Variants in PLN observed in about 807,000 individuals in gnomAD.
PLN encodes the protein phospholamban, also known as cardiac phospholamban.
A neutral mutation model predicts 3.9 loss-of-function variants in PLN; 1 was observed. The observed-to-expected ratio is 0.26, with a 90% confidence interval of 0.09 to 1.23. PLN has a LOEUF of 1.23. Among genes scored for constraint, PLN ranks in the 50% most tolerant of loss-of-function variants. PLN has a pLI of 0.48. For missense variants in PLN, 59 were observed against 62.7 expected (o/e 0.94, Z 0.20); for synonymous variants, 21 against 20.5 (o/e 1.02, Z -0.07).
intron 1 of PLN, among the ~76,000 whole-genome samples, chr6:118,552,737 T>G (rs922498717): frequency 2.6e-5 from 4 of 151,918 alleles, no homozygotes; most frequent in Admixed American, 6.6e-5. Flanking sequence ...CCACAAAGAA[T>G]AGTAAAGAAT....
intron 1 of PLN, among the ~76,000 whole-genome samples, chr6:118,557,574 G>A (rs1372002165): frequency 6.6e-6 from 1 of 152,172 alleles, no homozygotes; most frequent in Non-Finnish European, 1.5e-5. Context: ...GTCCTGGGTT[G>A]AGTGTGAGTG....
intron 1 of PLN, among the ~76,000 whole-genome samples, chr6:118,549,033 G>T (rs1377419734): frequency 6.6e-6 from 1 of 151,842 alleles, no homozygotes; most frequent in African/African-American, 2.4e-5. Context: ...TTAATAAATT[G>T]AGTTACTGAT....
chr6:118,558,759 G>A (rs1779051899), intron 1 of PLN, 66 bp from the exon 2 acceptor site: 3 of 658,664 alleles, frequency 4.6e-6, no homozygotes, highest in East Asian at 2.8e-5. Flanking sequence ...GTGTAAAATT[G>A]TATTTTTTGT....
At chr6:118,554,429 G>C (rs1395514606) in intron 1 of PLN, among the ~76,000 whole-genome samples, 1 of 152,194 alleles carries the variant, frequency 6.6e-6, no homozygotes, top group South Asian at 2.1e-4. Flanking sequence ...TTATAGATGT[G>C]AGCCACCATG....
rs1051455041 is a variant in PLN, at chr6:118,559,827, A to C, written c.*747A>C. The C allele has an allele frequency of 6.0e-6, 1 of 167,318 alleles. No homozygotes were observed. Among genetic ancestry groups the C allele is most frequent in the Non-Finnish European group, 1.5e-5 (1 of 68,296 alleles). 10.4% of individuals were successfully genotyped at this position (167,318 alleles called of 1,614,324 possible). A position where few individuals can be genotyped will look rare whatever the true frequency, so the allele number is the denominator to read the frequency against. Reference sequence around the variant, plus strand: ...TAAGACATATGATCAACAGATGAGAACTGGTGGTTAATATGTGACAGTGAG... The same window carrying C: ...TAAGACATATGATCAACAGATGAGACCTGGTGGTTAATATGTGACAGTGAG... On this transcript the variant is annotated 3_prime_UTR_variant, in exon 2 of 2. Coordinates refer to ENST00000357525, the MANE Select transcript of PLN (RefSeq NM_002667.5).
intron 1 of PLN, among the ~76,000 whole-genome samples, chr6:118,553,199 T>C (rs1222748228): frequency 7.1e-6 from 1 of 139,982 alleles, no homozygotes; most frequent in Non-Finnish European, 1.5e-5. Flanking sequence ...ATTAAACAGC[T>C]TAGCTGTTAA....
chr6:118,558,423 G>T (rs1288839), intron 1 of PLN, among the ~76,000 whole-genome samples: 2,967 of 152,086 alleles, frequency 0.02, 89 homozygotes, highest in African/African-American at 0.067. Context: ...GGGTAAAAAT[G>T]GTTTTGTTAT....
intron 1 of PLN, among the ~76,000 whole-genome samples, chr6:118,553,635 T>C (rs1778679925): frequency 6.6e-6 from 1 of 152,222 alleles, no homozygotes; most frequent in African/African-American, 2.4e-5. Context: ...CAGGATACTA[T>C]TTTTGGTCAT....
At chr6:118,555,431 A>AAT (rs1477902089) in intron 1 of PLN, among the ~76,000 whole-genome samples, 1 of 151,600 alleles carries the variant, frequency 6.6e-6, no homozygotes, top group Non-Finnish European at 1.5e-5. Context: ...GTCTCAAAAA[A>AAT]AAAAAAAAAA....
intron 1 of PLN, among the ~76,000 whole-genome samples, chr6:118,555,259 G>A (rs543161100): frequency 1.3e-4 from 19 of 151,958 alleles, no homozygotes; most frequent in East Asian, 1.2e-3. Context: ...GTGAAACCCC[G>A]TCTCTACTAA....
rs1254149855 is a variant in PLN, at chr6:118,561,493, G to A, written c.*2413G>A. Among the ~76,000 whole-genome samples, 1 of 151,892 alleles carries A rather than the reference G, an allele frequency of 6.6e-6. No homozygotes were observed. The highest frequency in any genetic ancestry group is 1.5e-5 in the Non-Finnish European group (1 of 67,958). ...TTAAATAATTATTCTTCATCATAAA[G>A]TGTAAAGAATAAGATATAAGAAAAC... On this transcript the variant is annotated 3_prime_UTR_variant, in exon 2 of 2. Transcript: ENST00000357525.
At position 118,559,199 on chromosome 6, in the gene PLN, G is replaced by A; in HGVS notation, c.*119G>A. 2.4e-6 allele frequency: 2 copies of A among 819,498 alleles called. No individual in the cohort carries two copies. Among genetic ancestry groups the A allele is most frequent in the Non-Finnish European group, 4.4e-6 (2 of 456,744 alleles). 50.8% of individuals were successfully genotyped at this position (819,498 alleles called of 1,614,324 possible). A position where few individuals can be genotyped will look rare whatever the true frequency, so the allele number is the denominator to read the frequency against. On this transcript the variant is annotated 3_prime_UTR_variant, in exon 2 of 2. Coordinates refer to ENST00000357525, the MANE Select transcript of PLN (RefSeq NM_002667.5). ...ACTTCCTGAGTAGAAGAGTTTCTTT[G>A]TGAAAAGGTCAAGATTAAGACTAAA...
chr6:118,558,888 C>T lies in PLN; in HGVS notation c.-34C>T. 1 of 1,596,528 alleles carries T rather than the reference C, an allele frequency of 6.3e-7. No individual in the cohort carries two copies. The highest frequency in any genetic ancestry group is 8.6e-7 in the Non-Finnish European group (1 of 1,164,286). ...CAGCTTTTTATCTTTCTCTCGACCACTTAAAACTTCAGACTTCCTGTCCTG... is the reference window on the plus strand; with the variant it reads ...CAGCTTTTTATCTTTCTCTCGACCATTTAAAACTTCAGACTTCCTGTCCTG... On this transcript the variant is annotated 5_prime_UTR_variant, in exon 2 of 2. Transcript: ENST00000357525.
At chr6:118,557,413 A>G (rs916460462) in intron 1 of PLN, among the ~76,000 whole-genome samples, 1 of 152,226 alleles carries the variant, frequency 6.6e-6, no homozygotes, top group Non-Finnish European at 1.5e-5. Context: ...AACCAAATAC[A>G]GCAGGTCCTC....
chr6:118,556,888 T>C (rs1583041625), intron 1 of PLN, among the ~76,000 whole-genome samples: 1 of 152,222 alleles, frequency 6.6e-6, no homozygotes, highest in African/African-American at 2.4e-5. Flanking sequence ...TTTCAGTCTA[T>C]ATATAATTTT....
At chr6:118,552,660 AT>A (rs528021665) in intron 1 of PLN, among the ~76,000 whole-genome samples, 61 of 149,494 alleles carry the variant, frequency 4.1e-4, no homozygotes, top group Non-Finnish European at 5.1e-4. Context: ...CTTGAACTTG[AT>A]TTTTTTTTTA....
At chr6:118,551,702 T>C (rs1331661130) in intron 1 of PLN, among the ~76,000 whole-genome samples, 3 of 152,028 alleles carry the variant, frequency 2.0e-5, no homozygotes, top group Non-Finnish European at 2.9e-5. Flanking sequence ...AATGAGAATA[T>C]ATTGATTTTT....
In PLN at chr6:118,559,064, T is replaced by C; in HGVS notation, c.143T>C (p.Ile48Thr). The change falls in exon 2 of 2, where the codon ATC becomes ACC. Residue 48 changes from isoleucine (I) to threonine (T), a missense_variant. Physicochemically the swap from Ile to Thr is moderately conservative, Grantham distance 89. Transcript: ENST00000357525. ...ILICLLLICIIVMLL is the reference protein window; with the variant it reads ...ILICLLLICITVMLL ...ATATGTCTCTTGCTGATCTGTATCA[T>C]CGTGATGCTTCTCTGAAGTTCTGCT... 1 of 1,611,670 alleles carries C rather than the reference T, an allele frequency of 6.2e-7. No individual in the cohort carries two copies.
chr6:118,550,549 A>G (rs956823337), intron 1 of PLN, among the ~76,000 whole-genome samples: 4 of 151,876 alleles, frequency 2.6e-5, no homozygotes, highest in Admixed American at 2.6e-4. Flanking sequence ...TCTTAATTAT[A>G]TATTTGATAC....
Sources: gnomAD v4.1 joint callset for allele counts (sites outside exome capture counted in the v4.1 genomes callset) on GRCh38, gnomAD v4.1.1 for gene constraint, MANE v1.5 for transcripts, NCBI Gene and HGNC (gene_info 2026-07-23, HGNC 2026-07-21) for gene names.